Variants in GIPC2 observed in about 807,000 individuals in gnomAD.
GIPC2 encodes GIPC PDZ domain containing family member 2, also known as PDZ domain-containing protein GIPC2.
Under a neutral mutation model 30.6 loss-of-function variants are expected in GIPC2, and 30 were observed. The observed-to-expected ratio is 0.98, with a 90% CI of 0.73 to 1.33. GIPC2 has a LOEUF of 1.33. GIPC2 is among the 40% of genes most tolerant of loss of function. The pLI is 0.00. For missense variants in GIPC2, 414 were observed against 390.3 expected, an observed-to-expected ratio of 1.06 and a Z score of -0.51; for synonymous variants, 167 against 150.0, an observed-to-expected ratio of 1.11 and a Z score of -0.83.
chr1:78,123,075 T>C (rs624223), intron 4 of GIPC2, among the ~76,000 whole-genome samples: 36,958 of 151,646 alleles, frequency 0.24, 5,030 homozygotes, highest in East Asian at 0.67. Context: ...GCCTGGCCAA[T>C]GTGATGAAAC....
intron 1 of GIPC2, among the ~76,000 whole-genome samples, chr1:78,059,171 T>G (rs1029629478): frequency 2.0e-5 from 3 of 152,178 alleles, no homozygotes; most frequent in African/African-American, 7.2e-5. Flanking sequence ...GGCCTGAGAA[T>G]GTTGTCATTT....
At chr1:78,051,497 G>T (rs963782666) in intron 1 of GIPC2, among the ~76,000 whole-genome samples, 4 of 152,288 alleles carry the variant, frequency 2.6e-5, no homozygotes, top group Non-Finnish European at 4.4e-5. Flanking sequence ...GAAAAGGCAA[G>T]AAGTGTTATT....
intron 1 of GIPC2, among the ~76,000 whole-genome samples, chr1:78,073,341 T>G (rs1158952396): frequency 1.3e-5 from 2 of 152,082 alleles, no homozygotes; most frequent in Non-Finnish European, 2.9e-5. Flanking sequence ...TGACCTCAAA[T>G]GATCCACCCA....
intron 2 of GIPC2, chr1:78,092,885 T>C (rs549667690): frequency 2.6e-5 from 4 of 152,408 alleles, no homozygotes; most frequent in African/African-American, 7.2e-5. Context: ...TTCTGGTTGC[T>C]GAGGCATCTC....
At chr1:78,067,202 C>T (rs571263434) in intron 1 of GIPC2, among the ~76,000 whole-genome samples, 1 of 152,112 alleles carries the variant, frequency 6.6e-6, no homozygotes, top group Admixed American at 6.5e-5. Flanking sequence ...GGTTTGAGAT[C>T]AGATGGGGAG....
chr1:78,131,806 A>G (rs1487387458), intron 5 of GIPC2, among the ~76,000 whole-genome samples: 45 of 152,252 alleles, frequency 3.0e-4, no homozygotes, highest in Admixed American at 2.9e-3. Context: ...GGAAAAATAT[A>G]TAACATATTT....
chr1:78,134,519 C>T (rs1247414725), intron 5 of GIPC2, among the ~76,000 whole-genome samples: 13 of 152,100 alleles, frequency 8.5e-5, no homozygotes, highest in Admixed American at 8.5e-4. Context: ...TAGAAGCCCT[C>T]CTTACCTTAC....
intron 4 of GIPC2, among the ~76,000 whole-genome samples, chr1:78,124,781 G>A (rs760767125): frequency 1.3e-5 from 2 of 152,104 alleles, no homozygotes; most frequent in African/African-American, 4.8e-5. Context: ...TGAGGTGGGC[G>A]GATCACTTGA....
At chr1:78,063,611 G>A (rs551070188) in intron 1 of GIPC2, among the ~76,000 whole-genome samples, 1 of 152,082 alleles carries the variant, frequency 6.6e-6, no homozygotes, top group African/African-American at 2.4e-5. Flanking sequence ...CAGGTTGGGT[G>A]CAGTGGCTCA....
chr1:78,135,508 G>A (rs1258914474), intron 5 of GIPC2, 84 bp from the exon 6 acceptor site: 4 of 747,110 alleles, frequency 5.4e-6, no homozygotes, highest in South Asian at 1.9e-5. Context: ...GTTACTTTTA[G>A]CAAGTAATTT....
At chr1:78,126,255 G>A (rs982333362) in intron 5 of GIPC2, among the ~76,000 whole-genome samples, 1 of 152,092 alleles carries the variant, frequency 6.6e-6, no homozygotes, top group Admixed American at 6.6e-5. Flanking sequence ...TACATAAAAT[G>A]AATTTTGTAG....
chr1:78,045,529 C>T, upstream of GIPC2: 1 of 984,466 alleles, frequency 1.0e-6, no homozygotes, highest in African/African-American at 1.7e-5. Context: ...AAGGACCCGG[C>T]TGAGGGGGTT....
intron 1 of GIPC2, among the ~76,000 whole-genome samples, chr1:78,079,589 CTGTGGTGGACATTA>C (rs1661788031): frequency 6.6e-6 from 1 of 152,172 alleles, no homozygotes; most frequent in Non-Finnish European, 1.5e-5. Flanking sequence ...CTTGCAATGC[CTGTGGTGGACATTA>C]TCTGATAAAT....
intron 1 of GIPC2, among the ~76,000 whole-genome samples, chr1:78,054,948 A>G (rs931553637): frequency 6.6e-6 from 1 of 152,180 alleles, no homozygotes; most frequent in African/African-American, 2.4e-5. Flanking sequence ...CCCACCTGCA[A>G]TCACCAACCC....
At chr1:78,088,216 A>G (rs1661967840) in intron 2 of GIPC2, among the ~76,000 whole-genome samples, 2 of 152,226 alleles carry the variant, frequency 1.3e-5, no homozygotes, top group Admixed American at 1.3e-4. Flanking sequence ...TAAAAGCAGA[A>G]CTACCATTTG....
chr1:78,085,342 T>C (rs1239145648), intron 2 of GIPC2, among the ~76,000 whole-genome samples: 1 of 152,164 alleles, frequency 6.6e-6, no homozygotes, highest in Non-Finnish European at 1.5e-5. Context: ...AAGTATTTTG[T>C]TGAGGATTTT....
At chr1:78,120,028 A>G (rs1255246419) in intron 4 of GIPC2, among the ~76,000 whole-genome samples, 3 of 152,190 alleles carry the variant, frequency 2.0e-5, no homozygotes, top group Non-Finnish European at 2.9e-5. Flanking sequence ...GGATTTTGCA[A>G]TCACCTTCTG....
chr1:78,067,818 C>T (rs373313628), intron 1 of GIPC2, among the ~76,000 whole-genome samples: 1 of 152,170 alleles, frequency 6.6e-6, no homozygotes, highest in South Asian at 2.1e-4. Context: ...CCTTTGCCTA[C>T]ATCCAGAAAA....
chr1:78,134,348 G>C lies in GIPC2; in HGVS notation c.797-1244G>C, dbSNP rs544020315. Among the ~76,000 whole-genome samples, 774 of 151,406 alleles carry C rather than the reference G, an allele frequency of 5.1e-3. 1 individual carries two copies. Among genetic ancestry groups the C allele is most frequent in the Non-Finnish European group, 7.8e-3 (527 of 67,728 alleles). On this transcript the variant is annotated intron_variant, in intron 5 of 5. Transcript: ENST00000370759. ...TGTCTGTGTATGTGTGTATGTATGT[G>C]TGTGTGTGTGTGTGTATGTATGTGT...
Sources: allele counts gnomAD v4.1 joint callset (sites outside exome capture counted in the v4.1 genomes callset), GRCh38; gene constraint gnomAD v4.1.1; transcripts MANE v1.5; gene names NCBI Gene and HGNC (gene_info 2026-07-23, HGNC 2026-07-21).